The following NSFL1C variants were observed in gnomAD, a reference collection of about 807,000 sequenced individuals.
NSFL1C encodes the protein NSFL1 cofactor p47.
A neutral mutation model predicts 43.1 loss-of-function variants in NSFL1C; 14 were observed. That is an observed-to-expected ratio of 0.32 (90% CI 0.21 to 0.51). NSFL1C has a LOEUF of 0.51. Among genes scored for constraint, NSFL1C ranks in the 20% least tolerant of loss-of-function variants. NSFL1C has a pLI of 0.98. For missense variants in NSFL1C, 406 were observed against 472.5 expected, an observed-to-expected ratio of 0.86 and a Z score of 1.30; for synonymous variants, 171 against 183.5, an observed-to-expected ratio of 0.93 and a Z score of 0.55.
chr20:1,450,177 T>C (rs761329557), intron 7 of NSFL1C, among the ~76,000 whole-genome samples: 10 of 152,192 alleles, frequency 6.6e-5, no homozygotes, highest in Non-Finnish European at 1.5e-4. Context: ...GAGAAAATTT[T>C]CAGGAAAAAT....
chr20:1,458,817 T>C (rs960091716), intron 2 of NSFL1C, among the ~76,000 whole-genome samples: 1 of 151,980 alleles, frequency 6.6e-6, no homozygotes, highest in Non-Finnish European at 1.5e-5. Context: ...GAAGGACACA[T>C]AGCCAAGAAG....
At chr20:1,464,157 A>G (rs2090464910) in intron 2 of NSFL1C, 172 bp downstream of exon 2, 1 of 581,538 alleles carries the variant, frequency 1.7e-6, no homozygotes, top group Non-Finnish European at 3.1e-6. Flanking sequence ...AAAGTCATGC[A>G]TCTCTGTATA....
chr20:1,456,616 G>C (rs1312921739), intron 3 of NSFL1C: 2 of 152,188 alleles, frequency 1.3e-5, no homozygotes, highest in Non-Finnish European at 2.9e-5. Flanking sequence ...GTTCATTCTT[G>C]TTCATTCCAG....
intron 4 of NSFL1C, 133 bp downstream of exon 4, chr20:1,454,834 C>A (rs1455643266): frequency 2.1e-6 from 2 of 938,298 alleles, no homozygotes; most frequent in Non-Finnish European, 1.6e-6. Flanking sequence ...AAACTACACT[C>A]GTGTTCCGCA....
At chr20:1,464,079 A>G (rs753797815) in intron 2 of NSFL1C, 6 of 446,940 alleles carry the variant, frequency 1.3e-5, no homozygotes, top group South Asian at 5.2e-5. Context: ...CTCATACTAC[A>G]TAAGTAAAAG....
At chr20:1,461,311 T>C (rs1214188155) in intron 2 of NSFL1C, among the ~76,000 whole-genome samples, 1 of 152,216 alleles carries the variant, frequency 6.6e-6, no homozygotes, top group African/African-American at 2.4e-5. Context: ...TAGTTGTGAC[T>C]GGAGTTCTGT....
chr20:1,448,521 A>T (rs1379999296), intron 7 of NSFL1C, among the ~76,000 whole-genome samples: 1 of 152,190 alleles, frequency 6.6e-6, no homozygotes, highest in Non-Finnish European at 1.5e-5. Context: ...CATCACTGGA[A>T]GAGATGAGGA....
intron 3 of NSFL1C, chr20:1,455,653 ACT>A: frequency 1.3e-6 from 1 of 779,428 alleles, no homozygotes; most frequent in Non-Finnish European, 2.4e-6. Flanking sequence ...CCAGTGCACT[ACT>A]CTGTGACTCA....
At chr20:1,454,913 TCC>T in intron 4 of NSFL1C, 52 bp downstream of exon 4, 1 of 1,570,626 alleles carries the variant, frequency 6.4e-7, no homozygotes, top group Non-Finnish European at 8.7e-7. Context: ...AAGGTGGCAT[TCC>T]CAGTTCTGGA....
chr20:1,465,312 G>T (rs778298314), intron 1 of NSFL1C, among the ~76,000 whole-genome samples: 9 of 152,182 alleles, frequency 5.9e-5, no homozygotes, highest in Non-Finnish European at 1.0e-4. Context: ...TCTGCTGGGA[G>T]GCAGTGTGCT....
chr20:1,443,920 G>A lies in NSFL1C; in HGVS notation c.951-9C>T. On this transcript the variant is annotated splice_polypyrimidine_tract_variant and intron_variant, in intron 8 of 8. Transcript: ENST00000216879. ...GTCGGATGTCGCTGATCCTGCAGGA[G>A]TTGGGGAAGCGGTGAGCAGTGCCAT... is the stretch of plus-strand genomic sequence containing the variant. The A allele has an allele frequency of 6.2e-7, 1 of 1,607,808 alleles. No individual in the cohort carries two copies. Among genetic ancestry groups the A allele is most frequent in the Middle Eastern group, 1.7e-4 (1 of 5,780 alleles).
At chr20:1,450,079 A>C (rs1216115791) in intron 7 of NSFL1C, among the ~76,000 whole-genome samples, 1 of 152,248 alleles carries the variant, frequency 6.6e-6, no homozygotes, top group Non-Finnish European at 1.5e-5. Flanking sequence ...ATTTTAACTG[A>C]GACAACTTAT....
rs1459953301 is a variant in NSFL1C, at chr20:1,454,228, C to T, written c.522G>A (p.Gln174=). 6.2e-7 allele frequency: 1 copy of T among 1,613,280 alleles called. No individual in the cohort carries two copies. Among genetic ancestry groups the T allele is most frequent in the Non-Finnish European group, 8.5e-7 (1 of 1,179,876 alleles). ...ESAYVAGEKR[Q]HSSQDVHVVL... is the part of the protein sequence containing the mutation. ...ATGCACTCACATCTTGGCTGGAATGCTGCCTCTTTTCTCCTGCCACATAGG... is the reference window on the plus strand; with the variant it reads ...ATGCACTCACATCTTGGCTGGAATGTTGCCTCTTTTCTCCTGCCACATAGG... Residue 174 remains glutamine, a synonymous_variant, in exon 5 of 9, where the codon CAG becomes CAA. Coordinates refer to ENST00000216879, the MANE Select transcript of NSFL1C (RefSeq NM_016143.5).
chr20:1,460,691 C>A (rs1309511771), intron 2 of NSFL1C, among the ~76,000 whole-genome samples: 1 of 152,174 alleles, frequency 6.6e-6, no homozygotes, highest in Non-Finnish European at 1.5e-5. Context: ...CACTGTCCAA[C>A]AGAGAAGCCA....
chr20:1,461,277 A>T (rs1473353486), intron 2 of NSFL1C, among the ~76,000 whole-genome samples: 1 of 152,200 alleles, frequency 6.6e-6, no homozygotes, highest in African/African-American at 2.4e-5. Flanking sequence ...GTACATGGAT[A>T]TAGTCAAAGA....
At chr20:1,446,230 G>T in intron 7 of NSFL1C, 1 of 274,884 alleles carries the variant, frequency 3.6e-6, no homozygotes, top group South Asian at 3.1e-5. Flanking sequence ...AGTGGTGGAG[G>T]GGAGTGTTCC....
intron 1 of NSFL1C, among the ~76,000 whole-genome samples, chr20:1,465,567 T>A (rs1427362012): frequency 6.6e-6 from 1 of 152,120 alleles, no homozygotes; most frequent in East Asian, 1.9e-4. Flanking sequence ...TTTACCGAAT[T>A]CTTATGTTTG....
At chr20:1,449,382 C>G (rs1396829868) in intron 7 of NSFL1C, among the ~76,000 whole-genome samples, 1 of 152,190 alleles carries the variant, frequency 6.6e-6, no homozygotes, top group Non-Finnish European at 1.5e-5. Context: ...ATACTGCTCT[C>G]AAGGAGGATG....
chr20:1,454,586 C>G (rs1485624423), intron 4 of NSFL1C, among the ~76,000 whole-genome samples: 2 of 152,168 alleles, frequency 1.3e-5, no homozygotes, highest in Non-Finnish European at 2.9e-5. Flanking sequence ...TTAACCGTGA[C>G]CATGTAGGAA....
Sources: gnomAD v4.1 joint callset for allele counts (sites outside exome capture counted in the v4.1 genomes callset) on GRCh38, gnomAD v4.1.1 for gene constraint, MANE v1.5 for transcripts, NCBI Gene and HGNC (gene_info 2026-07-23, HGNC 2026-07-21) for gene names.